Variants in SPATA17 observed in about 807,000 individuals in gnomAD.
The protein encoded by SPATA17 is spermatogenesis-associated protein 17.
A neutral mutation model predicts 62.2 loss-of-function variants in SPATA17; 53 were observed. The ratio of observed to expected loss-of-function variants is 0.85; its 90% CI spans 0.68 to 1.07. The LOEUF (loss-of-function observed/expected upper bound fraction) is 1.07. SPATA17 is among the 50% of genes least tolerant of loss of function. The pLI is 0.00. For synonymous variants in SPATA17, 146 were observed against 146.8 expected (o/e 0.99, Z 0.04); for missense variants, 466 against 425.5 (o/e 1.10, Z -0.84).
intron 9 of SPATA17, among the ~76,000 whole-genome samples, chr1:217,843,255 C>A (rs1340358730): frequency 1.3e-5 from 2 of 152,070 alleles, no homozygotes; most frequent in Non-Finnish European, 2.9e-5. Context: ...TGCAGCCTTA[C>A]TGAGTTTTGA....
chr1:217,676,100 A>T (rs554784460), intron 4 of SPATA17, among the ~76,000 whole-genome samples: 1 of 152,312 alleles, frequency 6.6e-6, no homozygotes, highest in South Asian at 2.1e-4. Context: ...AAGTTGAGGC[A>T]TTCCAATGCA....
intron 6 of SPATA17, among the ~76,000 whole-genome samples, chr1:217,757,256 A>G (rs1673069254): frequency 1.3e-5 from 2 of 152,218 alleles, no homozygotes; most frequent in Admixed American, 1.3e-4. Context: ...TAAAAAAGAC[A>G]GATAGTTGGA....
Position 217,782,937 on chromosome 1 carries a change from C to G in SPATA17, c.872+615C>G, listed in dbSNP as rs1031962327. ...AGTCATAGATAACTTATAAATAGACCATTTCAAATCTAAAATGGCTTTATT... is the reference window on the plus strand; with the variant it reads ...AGTCATAGATAACTTATAAATAGACGATTTCAAATCTAAAATGGCTTTATT... On this transcript the variant is annotated intron_variant, in intron 8 of 10. Transcript: ENST00000366933. Among the ~76,000 whole-genome samples, 8 of 151,790 alleles carry G rather than the reference C, an allele frequency of 5.3e-5. No homozygotes were observed. In the East Asian group the frequency reaches 1.5e-3, roughly 29 times the overall value.
chr1:217,842,609 C>T (rs1033369872), intron 9 of SPATA17, among the ~76,000 whole-genome samples: 2 of 151,646 alleles, frequency 1.3e-5, no homozygotes, highest in Middle Eastern at 3.4e-3. Flanking sequence ...ATATTTAATT[C>T]GATAGCATAT....
At chr1:217,714,123 C>T (rs929231338) in intron 5 of SPATA17, among the ~76,000 whole-genome samples, 1 of 152,086 alleles carries the variant, frequency 6.6e-6, no homozygotes, top group African/African-American at 2.4e-5. Flanking sequence ...CACGGTGGCT[C>T]ACGCCTATAA....
chr1:217,705,430 CTTTTTTTT>C (rs58138326), intron 5 of SPATA17, among the ~76,000 whole-genome samples: 1 of 46,602 alleles, frequency 2.1e-5, no homozygotes, highest in Non-Finnish European at 3.6e-5. Flanking sequence ...TTCTAGTTGT[CTTTTTTTT>C]TTTTTTTTTT....
At chr1:217,829,668 C>T (rs1037275212) in intron 9 of SPATA17, among the ~76,000 whole-genome samples, 4 of 130,924 alleles carry the variant, frequency 3.1e-5, no homozygotes, top group African/African-American at 1.1e-4. Flanking sequence ...TGCATTTACT[C>T]ACTTATGTGA....
rs370971996 is a variant in SPATA17 at position 217,669,125 on chromosome 1, G to A, written c.291+42G>A. ...TTGTTAAACAAATGAAAAGTCAATT[G>A]TGCCCTGAATTCGCTTTTAATAAAA... On this transcript the variant is annotated intron_variant, in intron 4 of 10. Transcript: ENST00000366933. The A allele has an allele frequency of 2.5e-5, 39 of 1,568,104 alleles. No individual in the cohort carries two copies. The African/African-American group carries it at 5.3e-4, about 21-fold the overall frequency.
chr1:217,708,520 G>C (rs1382194360), intron 5 of SPATA17, among the ~76,000 whole-genome samples: 1 of 152,000 alleles, frequency 6.6e-6, no homozygotes. Context: ...TTTAATCCCT[G>C]AACAGACCAA....
chr1:217,741,907 A>G, intron 5 of SPATA17, 68 bp from the exon 6 acceptor site: 1 of 1,587,852 alleles, frequency 6.3e-7, no homozygotes, highest in Admixed American at 1.7e-5. Context: ...AAACTGATTT[A>G]TCATCAGTGA....
At chr1:217,645,025 C>T (rs1297107905) in intron 1 of SPATA17, among the ~76,000 whole-genome samples, 1 of 151,768 alleles carries the variant, frequency 6.6e-6, no homozygotes, top group African/African-American at 2.4e-5. Flanking sequence ...ATTCAGCATC[C>T]CAGCGGTAAC....
chr1:217,682,564 T>A (rs981785221), intron 4 of SPATA17, among the ~76,000 whole-genome samples: 3 of 152,168 alleles, frequency 2.0e-5, no homozygotes, highest in African/African-American at 7.2e-5. Flanking sequence ...TAACTTGAAA[T>A]TTGATTCCTG....
intron 9 of SPATA17, among the ~76,000 whole-genome samples, chr1:217,810,315 T>C (rs1674555963): frequency 6.6e-6 from 1 of 152,132 alleles, no homozygotes; most frequent in Non-Finnish European, 1.5e-5. Context: ...TTAAGAAAAA[T>C]AATCACACAT....
chr1:217,773,267 G>A (rs1014047990), intron 6 of SPATA17, among the ~76,000 whole-genome samples: 2 of 152,074 alleles, frequency 1.3e-5, no homozygotes, highest in East Asian at 3.9e-4. Context: ...TATGTTGATG[G>A]CATAAGAGAA....
At chr1:217,752,675 A>T (rs1037719776) in intron 6 of SPATA17, among the ~76,000 whole-genome samples, 1 of 152,144 alleles carries the variant, frequency 6.6e-6, no homozygotes, top group African/African-American at 2.4e-5. Flanking sequence ...AAATTATGAG[A>T]ATTGGATTCC....
chr1:217,670,427 G>A (rs1379331785), intron 4 of SPATA17, among the ~76,000 whole-genome samples: 1 of 152,142 alleles, frequency 6.6e-6, no homozygotes, highest in East Asian at 1.9e-4. Context: ...CCTTCATATT[G>A]AGTTCTGGTC....
intron 3 of SPATA17, among the ~76,000 whole-genome samples, chr1:217,662,021 G>T (rs570892656): frequency 2.6e-5 from 4 of 152,262 alleles, no homozygotes; most frequent in South Asian, 2.1e-4. Context: ...CCACAAAAAT[G>T]TAGAAATATC....
chr1:217,819,894 AT>A (rs1674817255), intron 9 of SPATA17, among the ~76,000 whole-genome samples: 1 of 152,074 alleles, frequency 6.6e-6, no homozygotes, highest in African/African-American at 2.4e-5. Context: ...GTCTTTAGTC[AT>A]TCAACAAATA....
At chr1:217,829,295 A>G (rs955960499) in intron 9 of SPATA17, among the ~76,000 whole-genome samples, 3 of 152,202 alleles carry the variant, frequency 2.0e-5, no homozygotes, top group Non-Finnish European at 2.9e-5. Flanking sequence ...CACAACATAA[A>G]TGAACCTGAA....
Sources: gnomAD v4.1 joint callset for allele counts (sites outside exome capture counted in the v4.1 genomes callset) on GRCh38, gnomAD v4.1.1 for gene constraint, MANE v1.5 for transcripts, NCBI Gene and HGNC (gene_info 2026-07-23, HGNC 2026-07-21) for gene names.